Variants in ERC1 observed in about 807,000 individuals in gnomAD.
The protein encoded by ERC1 is ELKS/RAB6-interacting/CAST family member 1.
A neutral mutation model predicts 132.0 loss-of-function variants in ERC1; 56 were observed. The observed-to-expected ratio is 0.42, with a 90% CI of 0.34 to 0.53. The LOEUF (loss-of-function observed/expected upper bound fraction) is 0.53, where lower values mean the gene tolerates loss of function less well. ERC1 is among the 20% of genes least tolerant of loss of function. The pLI, the probability that ERC1 is intolerant of heterozygous loss-of-function variation, is 0.03. For missense variants in ERC1, 1,202 were observed against 1,349.9 expected (o/e 0.89, Z 1.72); for synonymous variants, 478 against 476.1 (o/e 1.00, Z -0.05).
chr12:1,264,662 T>C (rs542979145), intron 14 of ERC1, among the ~76,000 whole-genome samples: 8 of 151,482 alleles, frequency 5.3e-5, no homozygotes, highest in Admixed American at 2.6e-4. Flanking sequence ...AGACTCTGTC[T>C]CAAACAAAAA....
intron 3 of ERC1, among the ~76,000 whole-genome samples, chr12:1,097,007 T>G (rs1353301602): frequency 6.6e-6 from 1 of 152,256 alleles, no homozygotes; most frequent in African/African-American, 2.4e-5. Flanking sequence ...TTCCTAGGTA[T>G]CATCCCTAAG....
chr12:1,006,825 G>A (rs1331129382), intron 1 of ERC1, among the ~76,000 whole-genome samples: 2 of 151,914 alleles, frequency 1.3e-5, no homozygotes, highest in Admixed American at 6.6e-5. Context: ...TAGCAAAAAT[G>A]TCTGCTTTAT....
At chr12:1,212,809 G>A (rs1269459720) in intron 12 of ERC1, among the ~76,000 whole-genome samples, 1 of 152,184 alleles carries the variant, frequency 6.6e-6, no homozygotes, top group Non-Finnish European at 1.5e-5. Flanking sequence ...CCATCCCAGT[G>A]TGCTCTCCTC....
In ERC1 at chr12:1,236,896, C is replaced by T. The variant is rs753152606; in HGVS notation, c.2479C>T (p.Gln827Ter). 1 of 1,613,910 alleles carries T rather than the reference C, an allele frequency of 6.2e-7. No homozygotes were observed. The highest frequency in any genetic ancestry group is 8.5e-7 in the Non-Finnish European group (1 of 1,179,848). ...GGACAATCTCAACGACAGCTCTCAG[C>T]AGCTACAGGTTAGAACACAAGGAGA... ...REDNLNDSSQ[Q>*]LQDSLRKKDD... Residue 827 changes from glutamine to a stop codon, truncating the protein, a stop_gained, in exon 13 of 19, where the codon CAG (glutamine) becomes TAG (stop). Coordinates refer to ENST00000360905, the MANE Select transcript of ERC1 (RefSeq NM_178040.4). LOFTEE classifies it high-confidence loss of function.
At chr12:1,199,458 A>G (rs560344857) in intron 12 of ERC1, among the ~76,000 whole-genome samples, 23 of 151,304 alleles carry the variant, frequency 1.5e-4, no homozygotes, top group Admixed American at 1.4e-3. Flanking sequence ...TGATTTATAA[A>G]CAACTGACTT....
At chr12:1,147,962 C>G (rs188529833) in intron 8 of ERC1, among the ~76,000 whole-genome samples, 23 of 152,238 alleles carry the variant, frequency 1.5e-4, no homozygotes, top group Non-Finnish European at 1.2e-4. Context: ...TTTCTTTGCT[C>G]TCATTCTATA....
chr12:1,299,674 T>C (rs1180060093), intron 15 of ERC1, among the ~76,000 whole-genome samples: 1 of 151,092 alleles, frequency 6.6e-6, no homozygotes, highest in Non-Finnish European at 1.5e-5. Flanking sequence ...AGACAGAGAA[T>C]CAACAGAAAA....
At chr12:1,099,216 A>G (rs892110691) in intron 3 of ERC1, among the ~76,000 whole-genome samples, 1 of 152,212 alleles carries the variant, frequency 6.6e-6, no homozygotes, top group African/African-American at 2.4e-5. Context: ...TAAAATAAAA[A>G]GAGTGAATGG....
chr12:1,164,928 T>A (rs544177588), intron 8 of ERC1, among the ~76,000 whole-genome samples: 1 of 152,348 alleles, frequency 6.6e-6, no homozygotes, highest in East Asian at 1.9e-4. Context: ...TGTTTCTATT[T>A]CCATGTTCTG....
intron 17 of ERC1, among the ~76,000 whole-genome samples, chr12:1,442,055 A>G (rs970772516): frequency 5.9e-5 from 9 of 152,114 alleles, no homozygotes; most frequent in African/African-American, 1.9e-4. Flanking sequence ...AGCCTCCCAC[A>G]TAGCTGGGAT....
At chr12:1,187,599 A>T (rs1955247601) in intron 11 of ERC1, among the ~76,000 whole-genome samples, 1 of 152,110 alleles carries the variant, frequency 6.6e-6, no homozygotes, top group South Asian at 2.1e-4. Context: ...TTCCAGCTAC[A>T]TTTAATCTTG....
chr12:1,171,763 C>G (rs973905320), intron 8 of ERC1, among the ~76,000 whole-genome samples: 1 of 152,188 alleles, frequency 6.6e-6, no homozygotes, highest in Non-Finnish European at 1.5e-5. Flanking sequence ...GAACTGTGTC[C>G]TAGAGGAAGT....
intron 8 of ERC1, among the ~76,000 whole-genome samples, chr12:1,177,635 A>C (rs1953891899): frequency 6.6e-6 from 1 of 152,214 alleles, no homozygotes; most frequent in African/African-American, 2.4e-5. Flanking sequence ...CCCCAGATAA[A>C]TTACAATAGT....
intron 12 of ERC1, among the ~76,000 whole-genome samples, chr12:1,218,782 C>T (rs1314201523): frequency 1.3e-5 from 2 of 151,744 alleles, no homozygotes; most frequent in African/African-American, 4.8e-5. Context: ...CCACTTTCCT[C>T]TAGACCTCTA....
chr12:1,376,089 G>A (rs922241708), intron 16 of ERC1, among the ~76,000 whole-genome samples: 7 of 152,106 alleles, frequency 4.6e-5, no homozygotes, highest in East Asian at 1.9e-4. Context: ...GCAGACTCAC[G>A]CAGTGTTCAG....
intron 8 of ERC1, among the ~76,000 whole-genome samples, chr12:1,142,803 A>T (rs1001267730): frequency 2.0e-5 from 3 of 152,016 alleles, no homozygotes; most frequent in African/African-American, 7.2e-5. Flanking sequence ...TTTTGTTTTG[A>T]GTTCTTTCCT....
Position 1,495,826 on chromosome 12 carries a change from G to A in ERC1, c.*5596G>A, listed in dbSNP as rs1470092758. ...GATAATGACATTACAAAGAAATTGT[G>A]TTATATTCAACTTTGCCTTGATAAT... On this transcript the variant is annotated 3_prime_UTR_variant, in exon 19 of 19. Coordinates refer to ENST00000360905, the MANE Select transcript of ERC1 (RefSeq NM_178040.4). 4.8e-6 allele frequency: 1 copy of A among 208,320 alleles called. No individual in the cohort carries two copies. Among genetic ancestry groups the A allele is most frequent in the East Asian group, 7.3e-5 (1 of 13,746 alleles). 12.9% of individuals were successfully genotyped at this position (208,320 alleles called of 1,614,324 possible). A position where few individuals can be genotyped will look rare whatever the true frequency, so the allele number is the denominator to read the frequency against.
At chr12:1,058,004 T>A (rs1367795502) in intron 2 of ERC1, among the ~76,000 whole-genome samples, 1 of 152,138 alleles carries the variant, frequency 6.6e-6, no homozygotes, top group Non-Finnish European at 1.5e-5. Flanking sequence ...AGATTAGGTT[T>A]TTTTTGTTTT....
chr12:1,234,630 C>T (rs2075292077), intron 12 of ERC1, among the ~76,000 whole-genome samples: 1 of 152,122 alleles, frequency 6.6e-6, no homozygotes, highest in South Asian at 2.1e-4. Flanking sequence ...GCGTAAAGCG[C>T]CAAGAACAGC....
Sources: gnomAD v4.1 joint callset for allele counts (sites outside exome capture counted in the v4.1 genomes callset) on GRCh38, gnomAD v4.1.1 for gene constraint, MANE v1.5 for transcripts, NCBI Gene and HGNC (gene_info 2026-07-23, HGNC 2026-07-21) for gene names.